CTNNA3: variants seen among roughly 807,000 people sequenced by gnomAD.
CTNNA3 encodes the protein catenin alpha 3.
CTNNA3 carries 76 observed loss-of-function variants against 95.7 expected under a neutral mutation model. That is an observed-to-expected ratio of 0.79 (90% CI 0.66 to 0.96). CTNNA3 has a LOEUF of 0.96. Ranked by LOEUF, CTNNA3 falls within the 40% of genes least tolerant of loss-of-function variation. CTNNA3 has a pLI of 0.00. For missense variants in CTNNA3, 1,191 were observed against 1,089.8 expected (o/e 1.09, Z -1.31); for synonymous variants, 431 against 374.4 (o/e 1.15, Z -1.74).
chr10:66,971,851 CT>C (rs1405112777), intron 7 of CTNNA3, among the ~76,000 whole-genome samples: 1 of 151,938 alleles, frequency 6.6e-6, no homozygotes, highest in Non-Finnish European at 1.5e-5. Flanking sequence ...TTTAATATTT[CT>C]CATTTCTGAG....
chr10:66,286,880 C>T (rs574331400), intron 12 of CTNNA3, among the ~76,000 whole-genome samples: 57 of 151,920 alleles, frequency 3.8e-4, no homozygotes, highest in African/African-American at 1.3e-3. Context: ...TATCTTTCTG[C>T]CCATTCTTCA....
chr10:67,552,243 T>A (rs969365632), intron 3 of CTNNA3, among the ~76,000 whole-genome samples: 9 of 152,214 alleles, frequency 5.9e-5, no homozygotes, highest in African/African-American at 1.9e-4. Context: ...AGTACAATCA[T>A]TCCTTATTTT....
intron 3 of CTNNA3, among the ~76,000 whole-genome samples, chr10:67,553,938 T>C (rs1841129833): frequency 6.6e-6 from 1 of 152,144 alleles, no homozygotes; most frequent in Non-Finnish European, 1.5e-5. Flanking sequence ...GGCCCCAGTG[T>C]GTGGTGTTCC....
intron 5 of CTNNA3, among the ~76,000 whole-genome samples, chr10:67,473,040 T>G (rs763814635): frequency 6.6e-6 from 1 of 152,234 alleles, no homozygotes; most frequent in Non-Finnish European, 1.5e-5. Context: ...ATACCTAGTT[T>G]CATGAATACT....
chr10:66,201,701 T>C lies in CTNNA3; in HGVS notation c.1884+78769A>G, dbSNP rs528607242. On this transcript the variant is annotated intron_variant, in intron 13 of 17. Coordinates refer to ENST00000433211, the MANE Select transcript of CTNNA3 (RefSeq NM_013266.4). ...TCCAAAGCTTGCCTGCTGTTTCTTT[T>C]AGACTTGCTATAGAACACACAGTTA... Among the ~76,000 whole-genome samples the C allele has an allele frequency of 3.9e-5, 6 of 152,260 alleles. No homozygotes were observed. The East Asian group carries it at 1.2e-3, about 29-fold the overall frequency.
chr10:66,926,732 C>A lies in CTNNA3; in HGVS notation c.1048-151208G>T, dbSNP rs1040605241. 9.1e-5 allele frequency: 97 copies of A among 1,069,344 alleles called. No individual in the cohort carries two copies. In the African/African-American group the frequency reaches 1.5e-3, roughly 16 times the overall value. The allele number at this position is 1,069,344 out of a possible 1,614,324, so 66.2% of individuals were successfully genotyped here. A position where few individuals can be genotyped will look rare whatever the true frequency, so the allele number is the denominator to read the frequency against. ...AATTTATTTGCTTAGTGGCATGTTT[C>A]CTTGTTTAACTATTTAAAAAAACAA... is the stretch of plus-strand genomic sequence containing the variant. On this transcript the variant is annotated intron_variant, in intron 7 of 17. Coordinates refer to ENST00000433211, the MANE Select transcript of CTNNA3 (RefSeq NM_013266.4).
chr10:66,106,751 T>G (rs961414184), intron 13 of CTNNA3, among the ~76,000 whole-genome samples: 1 of 152,188 alleles, frequency 6.6e-6, no homozygotes, highest in Non-Finnish European at 1.5e-5. Context: ...TTATGTAAAT[T>G]TATCCAAATT....
intron 11 of CTNNA3, among the ~76,000 whole-genome samples, chr10:66,479,978 A>ACACACACACACACACACC (rs1427904243): frequency 1.1e-4 from 17 of 151,450 alleles, no homozygotes; most frequent in African/African-American, 3.9e-4. Flanking sequence ...ACACACACAC[A>ACACACACACACACACACC]CCCCAGAACT....
chr10:67,314,983 A>G (rs955798933), intron 5 of CTNNA3, among the ~76,000 whole-genome samples: 3 of 152,100 alleles, frequency 2.0e-5, no homozygotes, highest in African/African-American at 7.2e-5. Flanking sequence ...TGTCCTTGAG[A>G]TTTCAAGTAG....
intron 14 of CTNNA3, among the ~76,000 whole-genome samples, chr10:66,084,115 A>G (rs963482296): frequency 6.7e-6 from 1 of 149,920 alleles, no homozygotes; most frequent in Non-Finnish European, 1.5e-5. Context: ...AGCATGGGTA[A>G]CAACAGCGAA....
At chr10:66,196,445 G>A (rs1030826150) in intron 13 of CTNNA3, among the ~76,000 whole-genome samples, 3 of 152,168 alleles carry the variant, frequency 2.0e-5, no homozygotes, top group Admixed American at 6.5e-5. Flanking sequence ...TGGCCATAGA[G>A]GACATCACGT....
At position 66,350,855 on chromosome 10, in the gene CTNNA3, C is replaced by G. The variant is rs374696185; in HGVS notation, c.1732+28297G>C. 4.4e-4 allele frequency among the ~76,000 whole-genome samples: 67 copies of G among 152,058 alleles called. 2 individuals are homozygous for G. In the East Asian group the frequency reaches 6.2e-3, roughly 14 times the overall value. ...TAGTGTACTGTAAAGGCAAACAAAGCCTTGTCTATCCACAGAAGGACTCCT... is the reference window on the plus strand; with the variant it reads ...TAGTGTACTGTAAAGGCAAACAAAGGCTTGTCTATCCACAGAAGGACTCCT... On this transcript the variant is annotated intron_variant, in intron 12 of 17. Coordinates refer to ENST00000433211, the MANE Select transcript of CTNNA3 (RefSeq NM_013266.4).
At chr10:66,387,810 C>G (rs938017094) in intron 11 of CTNNA3, among the ~76,000 whole-genome samples, 1 of 152,092 alleles carries the variant, frequency 6.6e-6, no homozygotes, top group Non-Finnish European at 1.5e-5. Context: ...ATGGATGAAG[C>G]TGGAAACCAT....
chr10:66,471,799 A>C (rs9943433), intron 11 of CTNNA3, among the ~76,000 whole-genome samples: 9,387 of 151,704 alleles, frequency 0.062, 604 homozygotes, highest in African/African-American at 0.16. Context: ...GATAAATAAA[A>C]CGCTTTCCCA....
chr10:66,088,982 A>C (rs916639007), intron 14 of CTNNA3, among the ~76,000 whole-genome samples: 1 of 151,704 alleles, frequency 6.6e-6, no homozygotes, highest in Non-Finnish European at 1.5e-5. Flanking sequence ...ATATATAAAC[A>C]TTTTCTTATA....
At chr10:66,819,798 C>A (rs532620189) in intron 7 of CTNNA3, among the ~76,000 whole-genome samples, 1 of 152,038 alleles carries the variant, frequency 6.6e-6, no homozygotes, top group Non-Finnish European at 1.5e-5. Context: ...ATTTCACAAC[C>A]ACTAATATGA....
chr10:65,972,665 C>T (rs574644039), intron 16 of CTNNA3, among the ~76,000 whole-genome samples: 85 of 152,114 alleles, frequency 5.6e-4, no homozygotes, highest in African/African-American at 2.0e-3. Flanking sequence ...ACAAGGAGAA[C>T]TATACAACAC....
At chr10:66,652,337 CAA>C (rs1486244679) in intron 9 of CTNNA3, among the ~76,000 whole-genome samples, 1 of 151,756 alleles carries the variant, frequency 6.6e-6, no homozygotes, top group Non-Finnish European at 1.5e-5. Flanking sequence ...CACAGTAATG[CAA>C]AAGAGTATAA....
chr10:66,422,756 T>C (rs571729801), intron 11 of CTNNA3, among the ~76,000 whole-genome samples: 1 of 152,214 alleles, frequency 6.6e-6, no homozygotes, highest in East Asian at 1.9e-4. Flanking sequence ...TTTTTTTCTT[T>C]TTTTCTTGAG....
Sources: allele counts gnomAD v4.1 joint callset (sites outside exome capture counted in the v4.1 genomes callset), GRCh38; gene constraint gnomAD v4.1.1; transcripts MANE v1.5; gene names NCBI Gene and HGNC (gene_info 2026-07-23, HGNC 2026-07-21).